The following WDR41 variants were observed in gnomAD, a reference collection of about 807,000 sequenced individuals.
WDR41 encodes the protein WD repeat-containing protein 41.
In WDR41, 63 loss-of-function variants were observed where a neutral mutation model predicts 69.3. That is an observed-to-expected ratio of 0.91 (90% confidence interval 0.74 to 1.12). The LOEUF (loss-of-function observed/expected upper bound fraction) is 1.12, where lower values mean the gene tolerates loss of function less well. WDR41 is among the 50% of genes most tolerant of loss of function. WDR41 has a pLI of 0.00. For missense variants in WDR41, 543 were observed against 534.5 expected, an observed-to-expected ratio of 1.02 and a Z score of -0.16; for synonymous variants, 185 against 192.1, an observed-to-expected ratio of 0.96 and a Z score of 0.31.
chr5:77,574,077 C>A (rs1054642530), intron 1 of WDR41, among the ~76,000 whole-genome samples: 2 of 152,078 alleles, frequency 1.3e-5, no homozygotes. Flanking sequence ...GCAGGCGAAT[C>A]ACCTGAGGCC....
At chr5:77,595,909 C>A (rs1034963102) in intron 1 of WDR41, among the ~76,000 whole-genome samples, 20 of 151,710 alleles carry the variant, frequency 1.3e-4, no homozygotes. Flanking sequence ...TTATTTTTTT[C>A]TTTAAATGCC....
At position 77,449,827 on chromosome 5, in the gene WDR41, C is replaced by A; in HGVS notation, c.630G>T (p.Trp210Cys). ...GGAGGCGCTTAACTTCAAGAATATC[C>A]CATTCTAGTGATCCTTCTGTGGGTG... is the stretch of plus-strand genomic sequence containing the variant. Reference protein sequence around the residue: ...LVAPTEGSLEWDILEVKRLLD... With the variant: ...LVAPTEGSLECDILEVKRLLD... The change falls in exon 8 of 13, where the codon TGG (tryptophan) becomes TGT (cysteine). Residue 210 changes from tryptophan (W) to cysteine (C), a missense_variant. Trp to Cys is a radical substitution (Grantham distance 215). Transcript: ENST00000296679. 6.2e-7 allele frequency: 1 copy of A among 1,613,566 alleles called. No homozygotes were observed. Among genetic ancestry groups the A allele is most frequent in the Non-Finnish European group, 8.5e-7 (1 of 1,179,720 alleles).
At chr5:77,513,610 G>A (rs1389138182) in intron 1 of WDR41, among the ~76,000 whole-genome samples, 1 of 152,128 alleles carries the variant, frequency 6.6e-6, no homozygotes, top group Non-Finnish European at 1.5e-5. Context: ...GACATGACAA[G>A]AAGTTGCCAA....
chr5:77,448,638 G>A (rs1799496384), intron 8 of WDR41, among the ~76,000 whole-genome samples: 1 of 152,040 alleles, frequency 6.6e-6, no homozygotes, highest in East Asian at 1.9e-4. Flanking sequence ...GGGAGGCTGA[G>A]GCAGGTGGAT....
intron 6 of WDR41, 76 bp downstream of exon 6, chr5:77,453,741 T>A (rs879628280): frequency 2.4e-5 from 29 of 1,212,874 alleles, no homozygotes; most frequent in Non-Finnish European, 3.3e-5. Flanking sequence ...TTTCTACTTA[T>A]GGAAAGTCTC....
chr5:77,436,290 C>T lies in WDR41; in HGVS notation c.1198G>A (p.Asp400Asn), dbSNP rs1554107186. Residue 400 changes from aspartate to asparagine, a missense_variant, in exon 12 of 13, where the codon GAT becomes AAT. By Grantham distance (23) the Asp-to-Asn change is conservative (BLOSUM62 1). Transcript: ENST00000296679. ...ATSCSLELIG[D>N]LIGHSSSVEM... ...ACAGATGATGAGTGTCCAATCAAAT[C>T]TCCAATAAGCTCCAGTGAACATGAA... The T allele has an allele frequency of 6.2e-7, 1 of 1,614,028 alleles. No individual in the cohort carries two copies. The highest frequency in any genetic ancestry group is 8.5e-7 in the Non-Finnish European group (1 of 1,179,954).
upstream of WDR41, among the ~76,000 whole-genome samples, chr5:77,493,915 G>A (rs1801895937): frequency 6.6e-6 from 1 of 152,062 alleles, no homozygotes; most frequent in South Asian, 2.1e-4. Flanking sequence ...ACTGGTCCAG[G>A]GTTGAACACT....
chr5:77,563,130 A>G (rs1051678308), intron 1 of WDR41, among the ~76,000 whole-genome samples: 1 of 152,166 alleles, frequency 6.6e-6, no homozygotes, highest in Non-Finnish European at 1.5e-5. Context: ...GCATATCTAC[A>G]ACATGGTAGC....
chr5:77,612,301 C>G (rs117116742), intron 1 of WDR41, among the ~76,000 whole-genome samples: 4 of 152,172 alleles, frequency 2.6e-5, no homozygotes, highest in African/African-American at 7.2e-5. Flanking sequence ...ATGAGGCCAG[C>G]GTCATCCTGA....
At chr5:77,501,694 G>A (rs1802019921) in intron 1 of WDR41, among the ~76,000 whole-genome samples, 1 of 152,132 alleles carries the variant, frequency 6.6e-6, no homozygotes. Flanking sequence ...GGATCAGGCA[G>A]CAATATTTGC....
rs1182261357 is a variant in WDR41, at chr5:77,505,284, CAA to C, written c.43-15714_43-15713del. ...AGTGAACGCCCATTTACAATTGCTA[CAA>C]AGAGAGTAAAATACATAGGAATCCA... On this transcript the variant is annotated intron_variant, in intron 1 of 5. Coordinates refer to the WDR41 transcript ENST00000509971. Among the ~76,000 whole-genome samples, 3 of 152,022 alleles carry C rather than the reference CAA, an allele frequency of 2.0e-5. No homozygotes were observed. In the East Asian group the frequency reaches 5.8e-4, roughly 29 times the overall value.
intron 1 of WDR41, among the ~76,000 whole-genome samples, chr5:77,491,445 G>A (rs1801785042): frequency 6.6e-6 from 1 of 152,054 alleles, no homozygotes; most frequent in Non-Finnish European, 1.5e-5. Context: ...ACACGGACGC[G>A]CATGAAAGTT....
At chr5:77,567,662 G>T (rs759402282) in intron 1 of WDR41, among the ~76,000 whole-genome samples, 22 of 70,622 alleles carry the variant, frequency 3.1e-4, no homozygotes, top group Non-Finnish European at 5.0e-4. Context: ...AAACCAAATA[G>T]TAAAAAAAAA....
rs1468706294 is a variant in WDR41, at chr5:77,464,816, A to G, written c.168-7T>C. 3 of 1,593,538 alleles carry G rather than the reference A, an allele frequency of 1.9e-6. No individual in the cohort carries two copies. The African/African-American group carries it at 4.4e-5, about 23-fold the overall frequency. ...ATCACCAGCAGATGCAAATCTGGTT[A>G]GGGAGAAAGGGTCAAGAAAAAAAAA... is the stretch of plus-strand genomic sequence containing the variant. On this transcript the variant is annotated splice_region_variant and splice_polypyrimidine_tract_variant and intron_variant, in intron 2 of 12. Coordinates refer to ENST00000296679, the MANE Select transcript of WDR41 (RefSeq NM_018268.4).
intron 1 of WDR41, among the ~76,000 whole-genome samples, chr5:77,526,511 T>C (rs1348344396): frequency 2.0e-5 from 3 of 152,186 alleles, no homozygotes; most frequent in Admixed American, 6.5e-5. Flanking sequence ...TTTTTCTTGC[T>C]TTTTATAAAC....
chr5:77,533,098 T>C lies in WDR41; in HGVS notation c.43-43526A>G, dbSNP rs1742886764. Reference sequence around the variant, plus strand: ...ATCCCTCATACATTGCTGGTGGGAATATAAACCAGCAAGCTCTCTCGGGAG... The same window carrying C: ...ATCCCTCATACATTGCTGGTGGGAACATAAACCAGCAAGCTCTCTCGGGAG... On this transcript the variant is annotated intron_variant, in intron 1 of 5. Coordinates refer to the WDR41 transcript ENST00000509971. 2.0e-5 allele frequency among the ~76,000 whole-genome samples: 3 copies of C among 152,318 alleles called. No individual in the cohort carries two copies. In the South Asian group the frequency reaches 6.2e-4, roughly 32 times the overall value.
intron 2 of WDR41, among the ~76,000 whole-genome samples, chr5:77,474,227 C>G (rs1048643430): frequency 2.6e-5 from 4 of 151,752 alleles, no homozygotes; most frequent in Non-Finnish European, 5.9e-5. Context: ...TAGGTGGGAA[C>G]TGAACAATGA....
At chr5:77,437,241 A>G in intron 11 of WDR41, 95 bp downstream of exon 11, 1 of 1,014,272 alleles carries the variant, frequency 9.9e-7, no homozygotes, top group South Asian at 1.3e-5. Context: ...GCATTTCTAT[A>G]TTATTTTAGT....
intron 1 of WDR41, among the ~76,000 whole-genome samples, chr5:77,561,249 A>G (rs1427706436): frequency 6.6e-6 from 1 of 152,154 alleles, no homozygotes; most frequent in Non-Finnish European, 1.5e-5. Flanking sequence ...TGACATTACT[A>G]TGCTAGTTCA....
Sources: gnomAD v4.1 joint callset for allele counts (sites outside exome capture counted in the v4.1 genomes callset) on GRCh38, gnomAD v4.1.1 for gene constraint, MANE v1.5 for transcripts, NCBI Gene and HGNC (gene_info 2026-07-23, HGNC 2026-07-21) for gene names.